MTMR7: variants seen among roughly 807,000 people sequenced by gnomAD.
The protein encoded by MTMR7 is phosphatidylinositol-3-phosphate phosphatase MTMR7.
In MTMR7, 76 loss-of-function variants were observed where a neutral mutation model predicts 81.2. That is an observed-to-expected ratio of 0.94 (90% CI 0.78 to 1.13). MTMR7 has a LOEUF of 1.13. MTMR7 is among the 50% of genes most tolerant of loss of function. The pLI is 0.00. For missense variants in MTMR7, 1,044 were observed against 820.0 expected, an observed-to-expected ratio of 1.27 and a Z score of -3.34; for synonymous variants, 372 against 289.8, an observed-to-expected ratio of 1.28 and a Z score of -2.88.
chr8:17,371,000 G>C (rs369928050), intron 3 of MTMR7, 37 bp downstream of exon 3: 1 of 1,591,822 alleles, frequency 6.3e-7, no homozygotes, highest in Non-Finnish European at 8.6e-7. Context: ...ATTTTTAAGA[G>C]AGGTTCCATA....
intron 6 of MTMR7, among the ~76,000 whole-genome samples, chr8:17,337,480 G>C (rs1819279982): frequency 6.6e-6 from 1 of 151,994 alleles, no homozygotes; most frequent in Non-Finnish European, 1.5e-5. Context: ...TGAAAATTCA[G>C]CGAAGACTGC....
chr8:17,396,470 T>C (rs1363860989), intron 1 of MTMR7, among the ~76,000 whole-genome samples: 1 of 152,174 alleles, frequency 6.6e-6, no homozygotes, highest in East Asian at 1.9e-4. Context: ...GGACTTGGCA[T>C]TCAACTCAGT....
chr8:17,358,663 G>C (rs1322345020), intron 4 of MTMR7, among the ~76,000 whole-genome samples: 3 of 152,124 alleles, frequency 2.0e-5, no homozygotes, highest in African/African-American at 7.2e-5. Flanking sequence ...TATAGGCCAT[G>C]TGCACTGAAT....
chr8:17,399,982 A>G (rs909126313), intron 1 of MTMR7, among the ~76,000 whole-genome samples: 1 of 151,584 alleles, frequency 6.6e-6, no homozygotes, highest in African/African-American at 2.4e-5. Flanking sequence ...TTCCATTTCT[A>G]TATACATTTT....
chr8:17,404,893 T>C (rs1415826099), intron 1 of MTMR7, among the ~76,000 whole-genome samples: 1 of 152,240 alleles, frequency 6.6e-6, no homozygotes, highest in Non-Finnish European at 1.5e-5. Flanking sequence ...CGGCGCGATC[T>C]CAGCTCACTG....
intron 1 of MTMR7, among the ~76,000 whole-genome samples, chr8:17,393,681 C>T (rs1420481536): frequency 2.0e-5 from 3 of 152,028 alleles, no homozygotes; most frequent in African/African-American, 7.2e-5. Flanking sequence ...GGGAACAACA[C>T]ACACTGGGGC....
Position 17,402,503 on chromosome 8 carries a change from A to C in MTMR7, c.24+10766T>G, listed in dbSNP as rs149473970. On this transcript the variant is annotated intron_variant, in intron 1 of 13. Coordinates refer to ENST00000180173, the MANE Select transcript of MTMR7 (RefSeq NM_004686.5). ...TTTTAGCTCCCACAAATAAGCGAGA[A>C]TATGTGAAGTTTGTCTTTCTGTAGC... is the stretch of plus-strand genomic sequence containing the variant. Among the ~76,000 whole-genome samples the C allele has an allele frequency of 3.9e-3, 591 of 152,282 alleles. 2 individuals carry two copies. The highest frequency in any genetic ancestry group is 0.014 in the African/African-American group (566 of 41,546).
At chr8:17,315,409 T>C (rs34998531) in intron 7 of MTMR7, among the ~76,000 whole-genome samples, 45,875 of 112,030 alleles carry the variant, frequency 0.41, 7,353 homozygotes, top group African/African-American at 0.51. Flanking sequence ...GTTACATTTA[T>C]TAAACGTGTC....
chr8:17,343,402 C>T (rs923487563), intron 5 of MTMR7, among the ~76,000 whole-genome samples: 1 of 152,060 alleles, frequency 6.6e-6, no homozygotes, highest in South Asian at 2.1e-4. Flanking sequence ...TGCACTCCAG[C>T]CCGGGCGACA....
At chr8:17,306,083 T>C in intron 10 of MTMR7, 126 bp from the exon 11 acceptor site, 1 of 755,624 alleles carries the variant, frequency 1.3e-6, no homozygotes, top group Non-Finnish European at 2.0e-6. Context: ...AAACTTGGAA[T>C]GACAAAAAAG....
intron 5 of MTMR7, among the ~76,000 whole-genome samples, chr8:17,344,830 T>C (rs1043593168): frequency 9.9e-5 from 15 of 152,208 alleles, no homozygotes; most frequent in Admixed American, 9.2e-4. Context: ...GTATTCATTA[T>C]GAAAAGAGAC....
intron 1 of MTMR7, among the ~76,000 whole-genome samples, chr8:17,373,649 ATG>A (rs1346838072): frequency 6.6e-6 from 1 of 152,224 alleles, no homozygotes; most frequent in African/African-American, 2.4e-5. Flanking sequence ...ACATTTTCCT[ATG>A]TGTTTCTAGC....
chr8:17,388,258 C>T lies in MTMR7; in HGVS notation c.25-15018G>A, dbSNP rs574654755. Among the ~76,000 whole-genome samples the T allele has an allele frequency of 7.8e-4, 119 of 152,234 alleles. 1 individual carries two copies. Among genetic ancestry groups the T allele is most frequent in the African/African-American group, 2.7e-3 (113 of 41,534 alleles). Reference sequence around the variant, plus strand: ...CAAAGTCCCAGGATTTATTTCAACACCACCTTAAAATAACCCCAACCAAAA... The same window carrying T: ...CAAAGTCCCAGGATTTATTTCAACATCACCTTAAAATAACCCCAACCAAAA... On this transcript the variant is annotated intron_variant, in intron 1 of 13. Coordinates refer to ENST00000180173, the MANE Select transcript of MTMR7 (RefSeq NM_004686.5).
intron 10 of MTMR7, among the ~76,000 whole-genome samples, chr8:17,307,372 A>T (rs1339269364): frequency 6.6e-6 from 1 of 152,234 alleles, no homozygotes; most frequent in Non-Finnish European, 1.5e-5. Context: ...CGATCATTAA[A>T]AAGTCAGGAA....
intron 2 of MTMR7, among the ~76,000 whole-genome samples, 199 bp from the exon 3 acceptor site, chr8:17,371,398 A>G (rs1426838746): frequency 1.3e-5 from 2 of 152,238 alleles, no homozygotes; most frequent in South Asian, 2.1e-4. Flanking sequence ...TTATTTTTCA[A>G]TACCAAGCTT....
At chr8:17,310,228 G>A (rs1212463686) in intron 9 of MTMR7, among the ~76,000 whole-genome samples, 2 of 151,852 alleles carry the variant, frequency 1.3e-5, no homozygotes, top group Admixed American at 1.3e-4. Context: ...CTCAAACTCT[G>A]GGGCTCCAGC....
intron 1 of MTMR7, among the ~76,000 whole-genome samples, chr8:17,384,379 C>T (rs1344401865): frequency 6.6e-6 from 1 of 152,060 alleles, no homozygotes; most frequent in African/African-American, 2.4e-5. Context: ...CCACTGCCTT[C>T]CAGCCTGGAT....
At position 17,296,871 on chromosome 8, in the gene MTMR7, G is replaced by T. The variant is rs991076867; in HGVS notation, c.*2991C>A. The T allele has an allele frequency of 3.9e-5, 6 of 152,050 alleles. No homozygotes were observed. Among genetic ancestry groups the T allele is most frequent in the African/African-American group, 1.4e-4 (6 of 41,400 alleles). 9.4% of individuals were successfully genotyped at this position (152,050 alleles called of 1,614,324 possible). On this transcript the variant is annotated 3_prime_UTR_variant, in exon 14 of 14. Transcript: ENST00000180173. ...TCTATACCATTCATTGGATAACCTT[G>T]TTACAACCCAGTCATGAAACAGAGC...
intron 8 of MTMR7, 149 bp from the exon 9 acceptor site, chr8:17,311,785 T>A: frequency 3.2e-6 from 4 of 1,261,204 alleles, no homozygotes; most frequent in Non-Finnish European, 4.4e-6. Flanking sequence ...CCCCCCCTAA[T>A]TAGGGCAGAG....
Sources: allele counts gnomAD v4.1 joint callset (sites outside exome capture counted in the v4.1 genomes callset), GRCh38; gene constraint gnomAD v4.1.1; transcripts MANE v1.5; gene names NCBI Gene and HGNC (gene_info 2026-07-23, HGNC 2026-07-21).